The following PCTP variants were observed in gnomAD, a reference collection of about 807,000 sequenced individuals.
PCTP encodes the protein phosphatidylcholine transfer protein, also known as START domain-containing protein 2.
Under a neutral mutation model 31.0 loss-of-function variants are expected in PCTP, and 27 were observed. That is an observed-to-expected ratio of 0.87 (90% CI 0.64 to 1.20). The LOEUF is 1.20. PCTP is among the 50% of genes most tolerant of loss of function. PCTP has a pLI of 0.00. For missense variants in PCTP, 287 were observed against 268.2 expected (o/e 1.07, Z -0.49); for synonymous variants, 108 against 101.2 (o/e 1.07, Z -0.40).
At chr17:55,753,321 C>G (rs75645350) in intron 1 of PCTP, among the ~76,000 whole-genome samples, 9,430 of 152,250 alleles carry the variant, frequency 0.062, 288 homozygotes, top group Admixed American at 0.066. Flanking sequence ...AAGCAGTGAT[C>G]TTATCACTAC....
At chr17:55,763,548 A>G (rs962942332) in intron 1 of PCTP, among the ~76,000 whole-genome samples, 1 of 152,092 alleles carries the variant, frequency 6.6e-6, no homozygotes, top group Non-Finnish European at 1.5e-5. Flanking sequence ...TTGGAGAATA[A>G]TTGAGTTAGG....
intron 3 of PCTP, among the ~76,000 whole-genome samples, chr17:55,792,316 T>G (rs1477441943): frequency 7.7e-6 from 1 of 129,298 alleles, no homozygotes. Flanking sequence ...TAATAATAAA[T>G]AAAAAAAAGA....
chr17:55,774,730 T>G (rs1050537118), intron 4 of PCTP, 62 bp from the exon 5 acceptor site: 15 of 1,276,098 alleles, frequency 1.2e-5, no homozygotes, highest in Non-Finnish European at 1.6e-5. Flanking sequence ...TTGCACAGTT[T>G]TGTTGCTATA....
chr17:55,752,990 T>C (rs1909793122), intron 1 of PCTP, among the ~76,000 whole-genome samples: 1 of 152,214 alleles, frequency 6.6e-6, no homozygotes, highest in South Asian at 2.1e-4. Flanking sequence ...GCAGTCCTCC[T>C]GCCTCAGCCC....
At chr17:55,851,528 G>A in the PCTP span, among the ~76,000 whole-genome samples, 1 of 152,038 alleles carries the variant, frequency 6.6e-6, no homozygotes. Flanking sequence ...TTTTAAAGGA[G>A]GGTAATCTAA....
chr17:55,841,367 C>T (rs1905976462), intron 5 of PCTP, among the ~76,000 whole-genome samples: 1 of 152,118 alleles, frequency 6.6e-6, no homozygotes, highest in Admixed American at 6.5e-5. Context: ...TTGTGGGTCG[C>T]CATCTGGTGA....
intron 5 of PCTP, among the ~76,000 whole-genome samples, chr17:55,836,418 C>G (rs1905779895): frequency 6.6e-6 from 1 of 152,212 alleles, no homozygotes; most frequent in African/African-American, 2.4e-5. Context: ...GCCCCAAAGA[C>G]AAGGTTGAGT....
chr17:55,780,277 T>A (rs895859333), downstream of PCTP, among the ~76,000 whole-genome samples: 1 of 152,156 alleles, frequency 6.6e-6, no homozygotes, highest in African/African-American at 2.4e-5. Flanking sequence ...TCATAAGATA[T>A]AATAATGGAA....
downstream of PCTP, among the ~76,000 whole-genome samples, chr17:55,847,082 C>T (rs1367529061): frequency 2.6e-5 from 4 of 152,206 alleles, no homozygotes; most frequent in East Asian, 1.9e-4. Flanking sequence ...TTCACTGAGA[C>T]TAAAATAGGC....
chr17:55,819,685 G>A (rs932038678), intron 3 of PCTP, among the ~76,000 whole-genome samples: 2 of 152,166 alleles, frequency 1.3e-5, no homozygotes, highest in Non-Finnish European at 2.9e-5. Context: ...AGCCCAGAAG[G>A]TTGAGGCTGC....
At chr17:55,816,268 G>A (rs1188040344) in intron 3 of PCTP, among the ~76,000 whole-genome samples, 1 of 152,074 alleles carries the variant, frequency 6.6e-6, no homozygotes, top group Non-Finnish European at 1.5e-5. Context: ...CAATCCTCCT[G>A]TCTTCCCAGG....
chr17:55,789,563 G>A (rs1911877729), intron 3 of PCTP, among the ~76,000 whole-genome samples: 1 of 152,096 alleles, frequency 6.6e-6, no homozygotes, highest in Non-Finnish European at 1.5e-5. Context: ...CGAAAATCCT[G>A]TGCATCCTTT....
At chr17:55,793,712 G>T (rs7221551) in intron 3 of PCTP, among the ~76,000 whole-genome samples, 94 of 152,100 alleles carry the variant, frequency 6.2e-4, no homozygotes, top group African/African-American at 7.2e-5. Flanking sequence ...GGCGGTAGTC[G>T]CTGCTCTCAT....
At chr17:55,813,003 G>T (rs1049720259) in intron 3 of PCTP, among the ~76,000 whole-genome samples, 5 of 152,160 alleles carry the variant, frequency 3.3e-5, no homozygotes, top group Admixed American at 6.5e-5. Flanking sequence ...AATGGGAGCT[G>T]CTCCCAGAGT....
chr17:55,805,399 C>G (rs1009172668), intron 3 of PCTP, among the ~76,000 whole-genome samples: 1 of 151,960 alleles, frequency 6.6e-6, no homozygotes, highest in Non-Finnish European at 1.5e-5. Flanking sequence ...GTCTATTTTT[C>G]CATCTTTATG....
In PCTP at chr17:55,776,363, A is replaced by C. The variant is rs1911331299; in HGVS notation, c.*263A>C. On this transcript the variant is annotated 3_prime_UTR_variant, in exon 6 of 6. Transcript: ENST00000268896. ...ATCCTGGGCTGGGCTGCCTTCTTCT[A>C]CAGTTCAATATGGGGCAGACTAGGG... The C allele has an allele frequency of 3.7e-6, 5 of 1,336,092 alleles. No individual in the cohort carries two copies. The highest frequency in any genetic ancestry group is 3.8e-6 in the Non-Finnish European group (4 of 1,047,790). 82.8% of individuals were successfully genotyped at this position (1,336,092 alleles called of 1,614,324 possible).
chr17:55,811,244 G>A (rs926574223), intron 3 of PCTP, among the ~76,000 whole-genome samples: 7 of 152,102 alleles, frequency 4.6e-5, no homozygotes, highest in South Asian at 2.1e-4. Flanking sequence ...GTTATAGAGA[G>A]GCAAAAACAT....
chr17:55,776,864 C>T lies in PCTP; in HGVS notation c.*764C>T, dbSNP rs1911361105. 2 of 998,938 alleles carry T rather than the reference C, an allele frequency of 2.0e-6. No homozygotes were observed. The highest frequency in any genetic ancestry group is 2.4e-6 in the Non-Finnish European group (2 of 839,392). The allele number at this position is 998,938 out of a possible 1,614,324, so 61.9% of individuals were successfully genotyped here. ...GTCACTGGGGGAAAGGCTGCCTGTA[C>T]CTCTCAAGCTTTGCATTTTACTGGA... On this transcript the variant is annotated 3_prime_UTR_variant, in exon 6 of 6. Transcript: ENST00000268896.
chr17:55,770,912 A>C, intron 2 of PCTP, 194 bp from the exon 3 acceptor site: 1 of 387,160 alleles, frequency 2.6e-6, no homozygotes, highest in South Asian at 4.3e-5. Flanking sequence ...TTTTTTTTAT[A>C]TATAGAGATG....
Sources: allele counts gnomAD v4.1 joint callset (sites outside exome capture counted in the v4.1 genomes callset), GRCh38; gene constraint gnomAD v4.1.1; transcripts MANE v1.5; gene names NCBI Gene and HGNC (gene_info 2026-07-23, HGNC 2026-07-21).